The following TMEM134 variants were observed in gnomAD, a reference collection of about 807,000 sequenced individuals.
TMEM134 encodes the protein transmembrane protein 134.
In TMEM134, 36 loss-of-function variants were observed where a neutral mutation model predicts 26.2. The ratio of observed to expected loss-of-function variants is 1.37; its 90% confidence interval spans 1.05 to 1.81. The LOEUF is 1.81. Ranked by LOEUF, TMEM134 falls within the 40% of genes most tolerant of loss-of-function variation. TMEM134 has a pLI of 0.00. For synonymous variants in TMEM134, 133 were observed against 113.6 expected, an observed-to-expected ratio of 1.17 and a Z score of -1.08; for missense variants, 339 against 263.5, an observed-to-expected ratio of 1.29 and a Z score of -1.98.
intron 1 of TMEM134, 22 bp from the exon 2 acceptor site, chr11:67,468,114 A>G (rs1865395480): frequency 1.3e-6 from 2 of 1,551,398 alleles, no homozygotes; most frequent in Non-Finnish European, 1.7e-6. Flanking sequence ...CACAGGTCTC[A>G]GGGGGGTTGC....
chr11:67,467,782 A>G, intron 2 of TMEM134, 192 bp from the exon 3 acceptor site: 1 of 671,538 alleles, frequency 1.5e-6, no homozygotes, highest in East Asian at 2.7e-5. Context: ...TCTGTAGGAC[A>G]GGTGACCTGT....
chr11:67,465,354 G>A, intron 4 of TMEM134: 1 of 1,017,230 alleles, frequency 9.8e-7, no homozygotes, highest in Non-Finnish European at 1.3e-6. Flanking sequence ...AACACCTACT[G>A]CGTGCCTGGT....
Position 67,467,579 on chromosome 11 carries a change from C to G in TMEM134, c.251G>C (p.Arg84Pro), listed in dbSNP as rs373505086. The change falls in exon 3 of 7, where the codon CGA becomes CCA. Residue 84 changes from arginine to proline, a missense_variant. Transcript: ENST00000308022. Reference protein sequence around the residue: ...DGGVGTRDSSRTSIRSSQWSF... With the variant: ...DGGVGTRDSSPTSIRSSQWSF... ...CCACTGGGAGCTGCGGATGGAAGTT[C>G]GGCTGGAATCCCTGCCAGGACAGGC... 2.5e-6 allele frequency: 4 copies of G among 1,613,838 alleles called. No individual in the cohort carries two copies. The highest frequency in any genetic ancestry group is 3.4e-6 in the Non-Finnish European group (4 of 1,180,036).
rs1180648644 is a variant in TMEM134, at chr11:67,469,183, C to G, written c.10G>C (p.Ala4Pro). 1.5e-6 allele frequency: 2 copies of G among 1,345,676 alleles called. No individual in the cohort carries two copies. The highest frequency in any genetic ancestry group is 6.3e-5 in the East Asian group (2 of 31,950). The allele number at this position is 1,345,676 out of a possible 1,614,324, so 83.4% of individuals were successfully genotyped here. A position where few individuals can be genotyped will look rare whatever the true frequency, so the allele number is the denominator to read the frequency against. MSA[A>P]RPQFSIDDAF... is the part of the protein sequence containing the mutation. ...TCATCAATGCTGAACTGGGGCCGGG[C>G]GGCGCTCATGGCCCCGGCCCGCTCA... Residue 4 changes from alanine to proline, a missense_variant, in exon 1 of 7, where the codon GCC becomes CCC. Physicochemically the swap from Ala to Pro is conservative, Grantham distance 27. Coordinates refer to ENST00000308022, the MANE Select transcript of TMEM134 (RefSeq NM_025124.4).
rs890003216 is a variant in TMEM134 at position 67,467,400 on chromosome 11, G to C, written c.330-12C>G. On this transcript the variant is annotated splice_polypyrimidine_tract_variant and intron_variant, in intron 3 of 6. Coordinates refer to ENST00000308022, the MANE Select transcript of TMEM134 (RefSeq NM_025124.4). ...GGTGTTGGGTCCAGCTGGGTGGCAG[G>C]AGAGCAGGGTGAATGTGAAGGAGGT... The C allele has an allele frequency of 1.9e-6, 3 of 1,613,880 alleles. No individual in the cohort carries two copies. The highest frequency in any genetic ancestry group is 2.5e-6 in the Non-Finnish European group (3 of 1,179,900).
chr11:67,467,409 G>GT (rs779976663), intron 3 of TMEM134, 21 bp from the exon 4 acceptor site: 21 of 1,613,754 alleles, frequency 1.3e-5, no homozygotes, highest in Admixed American at 8.3e-5. Context: ...GGAGAGCAGG[G>GT]TGAATGTGAA....
In TMEM134 at chr11:67,467,376, GT is replaced by G. The variant is rs756041420; in HGVS notation, c.341del (p.His114ProfsTer3). 85 of 1,613,806 alleles carry G rather than the reference GT, an allele frequency of 5.3e-5. No homozygotes were observed. In the Admixed American group the frequency reaches 7.0e-4, roughly 13 times the overall value. ...CTCGGCGGTTCTTCTGGATCAAAGG[GT>G]GTTGGGTCCAGCTGGGTGGCAGGAG... The part of the protein sequence containing the change: ...SYNTCCSWTQ[H>X]PLIQKNRRVV... On this transcript the variant is annotated frameshift_variant, in exon 4 of 7. Transcript: ENST00000308022. LOFTEE classifies it high-confidence loss of function.
Position 67,464,262 on chromosome 11 carries a change from C to G in TMEM134, c.*352G>C, listed in dbSNP as rs762617873. The G allele has an allele frequency of 5.2e-5, 20 of 386,006 alleles. No homozygotes were observed. The highest frequency in any genetic ancestry group is 8.6e-5 in the Non-Finnish European group (18 of 208,350). 23.9% of individuals were successfully genotyped at this position (386,006 alleles called of 1,614,324 possible). On this transcript the variant is annotated 3_prime_UTR_variant, in exon 7 of 7. Transcript: ENST00000308022. ...CACGCGTTCGGTGGTGCTCGAAGCC[C>G]TTCAGCGTCAGGGTCAGTCCTTGGG...
In TMEM134 at chr11:67,462,652, C is replaced by T. The variant is rs1043185338; in HGVS notation, c.*1962G>A. 3 of 150,840 alleles carry T rather than the reference C, an allele frequency of 2.0e-5. No homozygotes were observed. The highest frequency in any genetic ancestry group is 4.4e-5 in the Non-Finnish European group (3 of 67,630). 9.3% of individuals were successfully genotyped at this position (150,840 alleles called of 1,614,324 possible). On this transcript the variant is annotated 3_prime_UTR_variant, in exon 7 of 7. Coordinates refer to ENST00000308022, the MANE Select transcript of TMEM134 (RefSeq NM_025124.4). ...GCAGGCATGAGCCACCACGCCCAGCCTCTGTATGTTTTTTATTTCATTTTT... is the reference window on the plus strand; with the variant it reads ...GCAGGCATGAGCCACCACGCCCAGCTTCTGTATGTTTTTTATTTCATTTTT...
At chr11:67,468,928 G>A (rs979975668) in intron 1 of TMEM134, 91 bp downstream of exon 1, 1 of 1,290,474 alleles carries the variant, frequency 7.7e-7, no homozygotes, top group Non-Finnish European at 1.0e-6. Flanking sequence ...GGGGCCTCTA[G>A]GCAGATGCTT....
At chr11:67,465,395 G>T in intron 4 of TMEM134, 1 of 570,670 alleles carries the variant, frequency 1.8e-6, no homozygotes, top group Non-Finnish European at 2.7e-6. Flanking sequence ...GGGCAGATAA[G>T]GTCCCTGCCC....
rs1189452701 is a variant in TMEM134 at position 67,463,228 on chromosome 11, G to C, written c.*1386C>G. 2.6e-5 allele frequency: 4 copies of C among 152,178 alleles called. No homozygotes were observed. The highest frequency in any genetic ancestry group is 9.7e-5 in the African/African-American group (4 of 41,410). The allele number at this position is 152,178 out of a possible 1,614,324, so 9.4% of individuals were successfully genotyped here. ...GAATCCTGAAGGCCCCGCTGTGTTG[G>C]GTGCTGCAGACAGTGGTTTGTGGGA... On this transcript the variant is annotated 3_prime_UTR_variant, in exon 7 of 7. Coordinates refer to ENST00000308022, the MANE Select transcript of TMEM134 (RefSeq NM_025124.4).
intron 4 of TMEM134, among the ~76,000 whole-genome samples, chr11:67,465,645 G>A (rs1168196645): frequency 6.6e-6 from 1 of 152,150 alleles, no homozygotes; most frequent in African/African-American, 2.4e-5. Context: ...AAAAGGGTGG[G>A]CCAGGTGTGG....
In TMEM134 at chr11:67,464,671, GCAGTA is replaced by G; in HGVS notation, c.526_530del (p.Tyr176ArgfsTer57). The G allele has an allele frequency of 6.4e-7, 1 of 1,553,928 alleles. No individual in the cohort carries two copies. Among genetic ancestry groups the G allele is most frequent in the Non-Finnish European group, 8.7e-7 (1 of 1,148,154 alleles). On this transcript the variant is annotated frameshift_variant, in exon 7 of 7. Coordinates refer to ENST00000308022, the MANE Select transcript of TMEM134 (RefSeq NM_025124.4). LOFTEE classifies it high-confidence loss of function. ...GGAAGCCCCGGTGGCCCTTGACCGCGCAGTAGATGAAGATCACGTGATAGACTGCG... is the reference window on the plus strand; with the variant it reads ...GGAAGCCCCGGTGGCCCTTGACCGCGGATGAAGATCACGTGATAGACTGCG...
intron 2 of TMEM134, 168 bp from the exon 3 acceptor site, chr11:67,467,758 A>G (rs764047512): frequency 9.3e-5 from 66 of 709,862 alleles, no homozygotes; most frequent in Non-Finnish European, 1.5e-4. Flanking sequence ...GGGGCTGGGG[A>G]TGAGCTAGGG....
In TMEM134 at chr11:67,469,220, CCG is replaced by C. The variant is rs2134238255; in HGVS notation, c.-30_-29del. 1 of 1,256,044 alleles carries C rather than the reference CCG, an allele frequency of 8.0e-7. No homozygotes were observed. Among genetic ancestry groups the C allele is most frequent in the African/African-American group, 1.6e-5 (1 of 64,424 alleles). The allele number at this position is 1,256,044 out of a possible 1,614,324, so 77.8% of individuals were successfully genotyped here. ...CCCCGGCCCGCTCAGGCGCCGTGCG[CCG>C]CCGCCATCTGCGCCCACACACCCAG... On this transcript the variant is annotated 5_prime_UTR_variant, in exon 1 of 7. The change abolishes the stop of an existing upstream ORF in the 5' untranslated region. Transcript: ENST00000308022.
intron 1 of TMEM134, 94 bp from the exon 2 acceptor site, chr11:67,468,186 G>A: frequency 8.7e-7 from 1 of 1,143,192 alleles, no homozygotes; most frequent in Non-Finnish European, 1.3e-6. Flanking sequence ...ACAACCATTT[G>A]CCTGGCCGCC....
Position 67,462,202 on chromosome 11 carries a change from A to C in TMEM134, c.*2412T>G, listed in dbSNP as rs1865038269. On this transcript the variant is annotated 3_prime_UTR_variant, in exon 7 of 7. Coordinates refer to ENST00000308022, the MANE Select transcript of TMEM134 (RefSeq NM_025124.4). Reference sequence around the variant, plus strand: ...CAAAAAAAAAAAAAACAAGGAGTAAAAAGTTGTTAGCTGCGATTCTGTGTT... The same window carrying C: ...CAAAAAAAAAAAAAACAAGGAGTAACAAGTTGTTAGCTGCGATTCTGTGTT... 1 of 151,894 alleles carries C rather than the reference A, an allele frequency of 6.6e-6. No individual in the cohort carries two copies. The highest frequency in any genetic ancestry group is 1.5e-5 in the Non-Finnish European group (1 of 67,962). 9.4% of individuals were successfully genotyped at this position (151,894 alleles called of 1,614,324 possible). A position where few individuals can be genotyped will look rare whatever the true frequency, so the allele number is the denominator to read the frequency against.
At position 67,464,701 on chromosome 11, in the gene TMEM134, G is replaced by A. The variant is rs546347854; in HGVS notation, c.506-5C>T. ...AGATGAAGATCACGTGATAGACTGC[G>A]GGGCGGGGCCTGTCAGCGCAGAAGC... On this transcript the variant is annotated splice_region_variant and splice_polypyrimidine_tract_variant and intron_variant, in intron 6 of 6. Coordinates refer to ENST00000308022, the MANE Select transcript of TMEM134 (RefSeq NM_025124.4). The A allele has an allele frequency of 2.0e-4, 306 of 1,552,246 alleles. 2 individuals are homozygous for A. In the South Asian group the frequency reaches 3.4e-3, roughly 17 times the overall value.
Sources: allele counts gnomAD v4.1 joint callset (sites outside exome capture counted in the v4.1 genomes callset), GRCh38; gene constraint gnomAD v4.1.1; transcripts MANE v1.5; gene names NCBI Gene and HGNC (gene_info 2026-07-23, HGNC 2026-07-21).